Variants in PTPRZ1 observed in about 807,000 individuals in gnomAD.
PTPRZ1 encodes the protein receptor-type tyrosine-protein phosphatase zeta.
In PTPRZ1, 82 loss-of-function variants were observed where a neutral mutation model predicts 214.1. The ratio of observed to expected loss-of-function variants is 0.38; its 90% CI spans 0.32 to 0.46. The LOEUF is 0.46. Ranked by LOEUF, PTPRZ1 falls within the 20% of genes least tolerant of loss-of-function variation. The probability of loss-of-function intolerance (pLI) is 1.00; values close to 1 mark genes in which losing one functional copy is unlikely to be tolerated. For missense variants in PTPRZ1, 2,603 were observed against 2,748.7 expected (o/e 0.95, Z 1.19); for synonymous variants, 945 against 987.9 (o/e 0.96, Z 0.81).
intron 2 of PTPRZ1, 127 bp from the exon 3 acceptor site, chr7:121,967,824 G>A: frequency 1.5e-6 from 1 of 658,770 alleles, no homozygotes; most frequent in Non-Finnish European, 2.5e-6. Context: ...TCATGCATTA[G>A]TTCAAAGATG....
chr7:121,883,588 G>C (rs531236864), intron 1 of PTPRZ1, among the ~76,000 whole-genome samples: 1 of 152,248 alleles, frequency 6.6e-6, no homozygotes, highest in Non-Finnish European at 1.5e-5. Flanking sequence ...CATAGATTAG[G>C]CTTCTCAGAA....
intron 4 of PTPRZ1, among the ~76,000 whole-genome samples, chr7:121,973,098 C>G (rs1045118344): frequency 1.3e-5 from 2 of 151,946 alleles, no homozygotes; most frequent in Admixed American, 6.6e-5. Flanking sequence ...TAGAGAAAGT[C>G]TAAATTGGTA....
rs11772668 is a variant in PTPRZ1, at chr7:122,012,062, C to G, written c.3016C>G (p.Leu1006Val). The G allele has an allele frequency of 1.5e-5, 25 of 1,614,112 alleles. No individual in the cohort carries two copies. Among genetic ancestry groups the G allele is most frequent in the African/African-American group, 2.7e-5 (2 of 74,936 alleles). The stretch of plus-strand genomic sequence containing the variant: ...TGGAGCCTCTTCTGATAGTGAATTT[C>G]TTTTACCTGACACAGATGGGCTGAC... The part of the protein sequence containing the change: ...WSGASSDSEF[L>V]LPDTDGLTAL... Residue 1006 changes from leucine (L) to valine (V), a missense_variant, in exon 12 of 30, where the codon CTT becomes GTT. Coordinates refer to ENST00000393386, the MANE Select transcript of PTPRZ1 (RefSeq NM_002851.3).
chr7:122,020,724 T>C (rs1426768310), intron 13 of PTPRZ1, among the ~76,000 whole-genome samples: 2 of 152,178 alleles, frequency 1.3e-5, no homozygotes, highest in African/African-American at 4.8e-5. Context: ...GATCATGCTT[T>C]TGTTACCCCA....
chr7:122,031,449 T>C, intron 14 of PTPRZ1, 25 bp from the exon 15 acceptor site: 1 of 1,565,706 alleles, frequency 6.4e-7, no homozygotes, highest in Non-Finnish European at 8.8e-7. Flanking sequence ...TTATGCTCTC[T>C]AACACAATTT....
Position 122,042,741 on chromosome 7 carries a change from G to A in PTPRZ1, c.5935G>A (p.Glu1979Lys). 1.2e-6 allele frequency: 2 copies of A among 1,609,656 alleles called. No homozygotes were observed. Among genetic ancestry groups the A allele is most frequent in the Middle Eastern group, 1.7e-4 (1 of 6,036 alleles). Residue 1979 changes from glutamate (E) to lysine (K), a missense_variant and splice_region_variant, in exon 22 of 30, where the codon GAG becomes AAG. By Grantham distance (56) the Glu-to-Lys change is moderately conservative. Coordinates refer to ENST00000393386, the MANE Select transcript of PTPRZ1 (RefSeq NM_002851.3). The part of the protein sequence containing the change: ...RSQRNYLVQT[E>K]EQYVFIHDTL... ...ACAAAGAAATTATTTGGTACAAACTGAGGTATGATTTTTAAAAAGATGATT... is the reference window on the plus strand; with the variant it reads ...ACAAAGAAATTATTTGGTACAAACTAAGGTATGATTTTTAAAAAGATGATT...
At chr7:122,057,053 T>C (rs1792373883) in intron 27 of PTPRZ1, among the ~76,000 whole-genome samples, 1 of 152,000 alleles carries the variant, frequency 6.6e-6, no homozygotes, top group African/African-American at 2.4e-5. Flanking sequence ...TTGTGTTTTG[T>C]CTTGGTTTGA....
chr7:122,041,923 A>G (rs1473578184), intron 21 of PTPRZ1, among the ~76,000 whole-genome samples: 2 of 152,210 alleles, frequency 1.3e-5, no homozygotes, highest in Admixed American at 1.3e-4. Context: ...TTTCCTAGCA[A>G]ACGGAGAAGG....
At chr7:121,947,183 G>A (rs991053754) in intron 2 of PTPRZ1, among the ~76,000 whole-genome samples, 1 of 151,700 alleles carries the variant, frequency 6.6e-6, no homozygotes. Context: ...TGGGATGTTG[G>A]CACTATTCAC....
In PTPRZ1 at chr7:121,928,175, C is replaced by T. The variant is rs1795819960; in HGVS notation, c.78C>T (p.Tyr26=). 1.2e-6 allele frequency: 2 copies of T among 1,611,996 alleles called. No homozygotes were observed. The highest frequency in any genetic ancestry group is 2.2e-5 in the East Asian group (1 of 44,780). Residue 26 remains tyrosine (Y), a synonymous_variant, in exon 2 of 30, where the codon TAC becomes TAT. Transcript: ENST00000393386. Reference sequence around the variant, plus strand: ...TTATAGATTGGGCTAATGGATACTACAGACAACAGAGAAAACTTGTTGAAG... The same window carrying T: ...TTATAGATTGGGCTAATGGATACTATAGACAACAGAGAAAACTTGTTGAAG... ...VCRLDWANGY[Y]RQQRKLVEEI... is the part of the protein sequence containing the mutation.
At chr7:122,034,400 C>T (rs765599468) in intron 17 of PTPRZ1, 22 bp downstream of exon 17, 9 of 1,600,318 alleles carry the variant, frequency 5.6e-6, no homozygotes, top group Non-Finnish European at 7.7e-6. Flanking sequence ...CTTAAATCAG[C>T]TCTGACTTCA....
chr7:122,024,206 A>G (rs148828436), intron 13 of PTPRZ1, among the ~76,000 whole-genome samples: 2 of 152,128 alleles, frequency 1.3e-5, no homozygotes, highest in African/African-American at 2.4e-5. Context: ...AGTTTCTAAG[A>G]TGCAAAAATG....
chr7:122,000,345 A>G (rs1210805698), intron 10 of PTPRZ1, among the ~76,000 whole-genome samples: 1 of 151,954 alleles, frequency 6.6e-6, no homozygotes, highest in Non-Finnish European at 1.5e-5. Flanking sequence ...TGACAATAAT[A>G]CTATCTTGTG....
intron 8 of PTPRZ1, among the ~76,000 whole-genome samples, chr7:121,985,217 T>C (rs1797730746): frequency 6.6e-6 from 1 of 152,196 alleles, no homozygotes; most frequent in African/African-American, 2.4e-5. Flanking sequence ...TAATTACATT[T>C]CTATCAGTAG....
chr7:121,939,397 A>G (rs138288604), intron 2 of PTPRZ1, among the ~76,000 whole-genome samples: 2 of 152,356 alleles, frequency 1.3e-5, no homozygotes, highest in Non-Finnish European at 2.9e-5. Flanking sequence ...TAAACTCTGT[A>G]GTTTCCATTC....
rs368795261 is a variant in PTPRZ1, at chr7:121,952,949, C to G, written c.125-15002C>G. Among the ~76,000 whole-genome samples, 8 of 152,138 alleles carry G rather than the reference C, an allele frequency of 5.3e-5. No individual in the cohort carries two copies. The South Asian group carries it at 1.5e-3, about 28-fold the overall frequency. On this transcript the variant is annotated intron_variant, in intron 2 of 29. Transcript: ENST00000393386. ...AAAAGGAAAAGGGTCAGTATTCAGG[C>G]TTCTGCCCTGCTTATGAGTCTCTTG...
intron 23 of PTPRZ1, among the ~76,000 whole-genome samples, chr7:122,047,289 T>C (rs1481957674): frequency 6.6e-6 from 1 of 152,182 alleles, no homozygotes; most frequent in African/African-American, 2.4e-5. Flanking sequence ...TTGTTTACTC[T>C]GGATAGAATG....
In PTPRZ1 at chr7:122,053,923, G is replaced by A; in HGVS notation, c.6266G>A (p.Ser2089Asn). 3 of 1,612,856 alleles carry A rather than the reference G, an allele frequency of 1.9e-6. No individual in the cohort carries two copies. The highest frequency in any genetic ancestry group is 2.2e-5 in the South Asian group (2 of 91,038). ...NASYIMGYYQ[S>N]NEFIITQHPL... is the part of the protein sequence containing the mutation. ...TTGGTTTTGTAGGGCTATTACCAGA[G>A]CAATGAATTCATCATTACCCAGCAC... The change falls in exon 26 of 30, where the codon AGC becomes AAC. Residue 2089 changes from serine to asparagine, a missense_variant. Ser to Asn is a conservative substitution (Grantham distance 46). This residue lies in a region of PTPRZ1 where 134 missense variants were observed against 183.3 expected (regional missense o/e 0.73). Transcript: ENST00000393386.
Position 122,039,494 on chromosome 7 carries a change from A to C in PTPRZ1, c.5543A>C (p.Glu1848Ala). ...DQYWPADGSE[E>A]YGNFLVTQKS... ...TACTGGCCTGCCGATGGGAGTGAGG[A>C]GTACGGGAACTTTCTGGTCACTCAG... The change falls in exon 20 of 30, where the codon GAG (glutamate) becomes GCG (alanine). Residue 1848 changes from glutamate to alanine, a missense_variant. Around this residue, in one of 6 missense-constraint regions of PTPRZ1, gnomAD observed 1,913 missense variants for 1,914.3 expected, o/e 1.00. Coordinates refer to ENST00000393386, the MANE Select transcript of PTPRZ1 (RefSeq NM_002851.3). The C allele has an allele frequency of 6.2e-7, 1 of 1,614,032 alleles. No homozygotes were observed. Among genetic ancestry groups the C allele is most frequent in the Non-Finnish European group, 8.5e-7 (1 of 1,179,968 alleles).
Sources: allele counts gnomAD v4.1 joint callset (sites outside exome capture counted in the v4.1 genomes callset), GRCh38; gene constraint gnomAD v4.1.1; regional missense constraint gnomAD v4.1.1; transcripts MANE v1.5; gene names NCBI Gene and HGNC (gene_info 2026-07-23, HGNC 2026-07-21).